Variants in SLC9A2 observed in about 807,000 individuals in gnomAD.
SLC9A2 encodes sodium/hydrogen exchanger 2.
A neutral mutation model predicts 71.7 loss-of-function variants in SLC9A2; 42 were observed. The ratio of observed to expected loss-of-function variants is 0.59; its 90% CI spans 0.46 to 0.76. The LOEUF (loss-of-function observed/expected upper bound fraction) is 0.76. Among genes scored for constraint, SLC9A2 ranks in the 30% least tolerant of loss-of-function variants. The pLI, the probability that SLC9A2 is intolerant of heterozygous loss-of-function variation, is 0.00. For synonymous variants in SLC9A2, 396 were observed against 392.5 expected, an observed-to-expected ratio of 1.01 and a Z score of -0.10; for missense variants, 829 against 1,017.4, an observed-to-expected ratio of 0.81 and a Z score of 2.52.
intron 9 of SLC9A2, among the ~76,000 whole-genome samples, chr2:102,704,161 T>C (rs1677927018): frequency 6.6e-6 from 1 of 152,150 alleles, no homozygotes; most frequent in Non-Finnish European, 1.5e-5. Flanking sequence ...GATCTGACTT[T>C]TATTAAAGGA....
chr2:102,655,472 G>C (rs1676921258), intron 1 of SLC9A2, among the ~76,000 whole-genome samples: 2 of 152,036 alleles, frequency 1.3e-5, no homozygotes, highest in African/African-American at 4.8e-5. Context: ...TATTCTGTAA[G>C]CTTTGTAAAT....
At chr2:102,666,745 A>G (rs1020729559) in intron 3 of SLC9A2, among the ~76,000 whole-genome samples, 8 of 152,142 alleles carry the variant, frequency 5.3e-5, no homozygotes, top group African/African-American at 1.7e-4. Context: ...ACAAGCTTCT[A>G]TTCTATTATG....
chr2:102,670,060 C>A (rs1677216968), intron 3 of SLC9A2, among the ~76,000 whole-genome samples: 1 of 149,466 alleles, frequency 6.7e-6, no homozygotes, highest in Non-Finnish European at 1.5e-5. Context: ...GAGACAGAGT[C>A]TTGCTCTGTT....
At chr2:102,689,174 C>T (rs1363576010) in intron 5 of SLC9A2, among the ~76,000 whole-genome samples, 1 of 152,184 alleles carries the variant, frequency 6.6e-6, no homozygotes. Flanking sequence ...TTCCACACCT[C>T]CTTGTCCCAT....
chr2:102,693,703 C>T (rs535909827), intron 5 of SLC9A2, among the ~76,000 whole-genome samples: 13 of 152,202 alleles, frequency 8.5e-5, no homozygotes, highest in Non-Finnish European at 1.6e-4. Context: ...GACCTGCTTC[C>T]TGTGCTAGCC....
rs1676981942 is a variant in SLC9A2 at position 102,658,130 on chromosome 2, G to A, written c.753+103G>A. On this transcript the variant is annotated intron_variant, in intron 2 of 11. Transcript: ENST00000233969. ...TGGCAGGGGCGAGACCCTGCACACAGGGTGGTTTCATGAGCAATTGCCCAG... is the reference window on the plus strand; with the variant it reads ...TGGCAGGGGCGAGACCCTGCACACAAGGTGGTTTCATGAGCAATTGCCCAG... 3 of 856,820 alleles carry A rather than the reference G, an allele frequency of 3.5e-6. No homozygotes were observed. The East Asian group carries it at 7.3e-5, about 21-fold the overall frequency. 53.1% of individuals were successfully genotyped at this position (856,820 alleles called of 1,614,324 possible).
chr2:102,619,981 AC>A lies in SLC9A2; in HGVS notation c.135del (p.Ser46ValfsTer62). On this transcript the variant is annotated frameshift_variant, in exon 1 of 12. Coordinates refer to ENST00000233969, the MANE Select transcript of SLC9A2 (RefSeq NM_003048.6). LOFTEE classifies it high-confidence loss of function. The surrounding 1 kb of genome is among the most constrained non-coding windows in gnomAD (Gnocchi z 4.3). ...TLLNAPRAMG[T>X]SSSPPSPASV... is the part of the protein sequence containing the mutation. ...GCTGAACGCGCCGAGGGCCATGGGC[AC>A]CAGTTCCAGCCCGCCTAGCCCTGCG... 1 of 1,613,756 alleles carries A rather than the reference AC, an allele frequency of 6.2e-7. No individual in the cohort carries two copies. The highest frequency in any genetic ancestry group is 8.5e-7 in the Non-Finnish European group (1 of 1,179,880).
At chr2:102,627,163 CAAA>C (rs1676266605) in intron 1 of SLC9A2, among the ~76,000 whole-genome samples, 3 of 151,126 alleles carry the variant, frequency 2.0e-5, no homozygotes, top group Admixed American at 1.3e-4. Context: ...ATAACAACAA[CAAA>C]AAGCCAGGTT....
chr2:102,679,073 GA>G (rs1677399177), intron 3 of SLC9A2, among the ~76,000 whole-genome samples: 1 of 152,150 alleles, frequency 6.6e-6, no homozygotes, highest in Non-Finnish European at 1.5e-5. Context: ...TGGCAGACCA[GA>G]ATGGGAACTT....
intron 3 of SLC9A2, among the ~76,000 whole-genome samples, chr2:102,665,800 A>AAAAAG (rs1198826827): frequency 0.011 from 1,659 of 146,188 alleles, 31 homozygotes; most frequent in South Asian, 0.028. Context: ...AAAAAAAAAA[A>AAAAAG]AGATTTTTCT....
chr2:102,649,143 A>G (rs1356665441), intron 1 of SLC9A2, among the ~76,000 whole-genome samples: 3 of 152,234 alleles, frequency 2.0e-5, no homozygotes, highest in Non-Finnish European at 2.9e-5. Context: ...CCAATGGAAC[A>G]GAACAGAGGC....
chr2:102,620,005 G>A lies in SLC9A2; in HGVS notation c.157G>A (p.Ala53Thr), dbSNP rs755639078. ...CACCAGTTCCAGCCCGCCTAGCCCTGCGAGCGTGGTGGCTCCCGGAACGAC... is the reference window on the plus strand; with the variant it reads ...CACCAGTTCCAGCCCGCCTAGCCCTACGAGCGTGGTGGCTCCCGGAACGAC... ...MGTSSSPPSPASVVAPGTTLF... is the reference protein window; with the variant it reads ...MGTSSSPPSPTSVVAPGTTLF... Residue 53 changes from alanine (A) to threonine (T), a missense_variant, in exon 1 of 12, where the codon GCG (alanine) becomes ACG (threonine). Physicochemically the swap from Ala to Thr is moderately conservative, Grantham distance 58. Coordinates refer to ENST00000233969, the MANE Select transcript of SLC9A2 (RefSeq NM_003048.6). 17 of 1,613,988 alleles carry A rather than the reference G, an allele frequency of 1.1e-5. No homozygotes were observed. The highest frequency in any genetic ancestry group is 1.3e-5 in the African/African-American group (1 of 74,948).
intron 5 of SLC9A2, chr2:102,686,778 G>C (rs999276358): frequency 6.5e-6 from 1 of 152,918 alleles, no homozygotes; most frequent in Non-Finnish European, 1.5e-5. Context: ...GGGGAGGCTG[G>C]AAGTGGGGAA....
chr2:102,647,475 A>G (rs1231803937), intron 1 of SLC9A2, among the ~76,000 whole-genome samples: 1 of 152,194 alleles, frequency 6.6e-6, no homozygotes, highest in East Asian at 1.9e-4. Context: ...AGCTAGCAGA[A>G]GACAAGAAAT....
chr2:102,685,757 T>A (rs1477307029), intron 5 of SLC9A2, among the ~76,000 whole-genome samples: 1 of 152,134 alleles, frequency 6.6e-6, no homozygotes, highest in Non-Finnish European at 1.5e-5. Context: ...GTCAGTTCAA[T>A]GACGGGCATG....
chr2:102,707,974 A>G, intron 11 of SLC9A2, 145 bp from the exon 12 acceptor site: 1 of 806,710 alleles, frequency 1.2e-6, no homozygotes, highest in South Asian at 1.7e-5. Context: ...AAGGCCACTC[A>G]CCTAAAATTA....
At chr2:102,706,873 C>A (rs993072503) in intron 11 of SLC9A2, among the ~76,000 whole-genome samples, 5 of 152,136 alleles carry the variant, frequency 3.3e-5, no homozygotes, top group African/African-American at 4.8e-5. Flanking sequence ...TGTCTAATAT[C>A]TTTTTAATGT....
intron 2 of SLC9A2, among the ~76,000 whole-genome samples, chr2:102,663,026 C>T (rs1477598890): frequency 6.6e-6 from 1 of 152,126 alleles, no homozygotes; most frequent in Non-Finnish European, 1.5e-5. Flanking sequence ...CCCCTTTTGC[C>T]TTTGGCTGTT....
chr2:102,683,359 G>A lies in SLC9A2; in HGVS notation c.1103G>A (p.Ser368Asn). The A allele has an allele frequency of 6.2e-7, 1 of 1,613,932 alleles. No homozygotes were observed. Among genetic ancestry groups the A allele is most frequent in the Non-Finnish European group, 8.5e-7 (1 of 1,179,760 alleles). The change falls in exon 4 of 12, where the codon AGT becomes AAT. Residue 368 changes from serine (S) to asparagine (N), a missense_variant. By Grantham distance (46) the Ser-to-Asn change is conservative. Around this residue, in one of 3 missense-constraint regions of SLC9A2, gnomAD observed 500 missense variants for 726.3 expected, o/e 0.69. Transcript: ENST00000233969. ...TIKYFMKMLS[S>N]VSETLIFIFM... ...AAGTACTTCATGAAGATGCTGAGCAGTGTCAGCGAAACCTTGATCTTCATC... is the reference window on the plus strand; with the variant it reads ...AAGTACTTCATGAAGATGCTGAGCAATGTCAGCGAAACCTTGATCTTCATC...
Sources: allele counts gnomAD v4.1 joint callset (sites outside exome capture counted in the v4.1 genomes callset), GRCh38; gene constraint gnomAD v4.1.1; regional missense constraint gnomAD v4.1.1; non-coding constraint Gnocchi (gnomAD v3.1); transcripts MANE v1.5; gene names NCBI Gene and HGNC (gene_info 2026-07-23, HGNC 2026-07-21).